The following DNM3 variants were observed in gnomAD, a reference collection of about 807,000 sequenced individuals.
DNM3 encodes the protein dynamin-3.
Under a neutral mutation model 101.6 loss-of-function variants are expected in DNM3, and 47 were observed. The ratio of observed to expected loss-of-function variants is 0.46; its 90% CI spans 0.37 to 0.59. The LOEUF is 0.59. Among genes scored for constraint, DNM3 ranks in the 20% least tolerant of loss-of-function variants. The pLI is 0.00. For synonymous variants in DNM3, 385 were observed against 387.9 expected, an observed-to-expected ratio of 0.99 and a Z score of 0.09; for missense variants, 849 against 1,085.7, an observed-to-expected ratio of 0.78 and a Z score of 3.06.
At chr1:171,943,367 A>G (rs2041946717) in intron 2 of DNM3, among the ~76,000 whole-genome samples, 1 of 152,174 alleles carries the variant, frequency 6.6e-6, no homozygotes, top group South Asian at 2.1e-4. Flanking sequence ...GGGGTAGGGT[A>G]GTCATGCCTC....
chr1:172,155,353 T>G (rs777582633), intron 14 of DNM3, among the ~76,000 whole-genome samples: 9 of 152,092 alleles, frequency 5.9e-5, no homozygotes, highest in Non-Finnish European at 1.3e-4. Context: ...ATTAAATTGT[T>G]CATTTACTTA....
chr1:172,138,132 G>A (rs1184393215), intron 14 of DNM3: 2 of 152,004 alleles, frequency 1.3e-5, no homozygotes, highest in Non-Finnish European at 2.9e-5. Flanking sequence ...ACGCGTGGAA[G>A]TATCAAAAAT....
chr1:172,192,434 G>A (rs1216759228), intron 14 of DNM3, among the ~76,000 whole-genome samples: 5 of 149,710 alleles, frequency 3.3e-5, no homozygotes, highest in African/African-American at 1.2e-4. Flanking sequence ...GTGCAGGTTA[G>A]TTACATATGT....
chr1:171,868,339 C>T (rs1221400309), intron 1 of DNM3, among the ~76,000 whole-genome samples: 1 of 152,054 alleles, frequency 6.6e-6, no homozygotes, highest in African/African-American at 2.4e-5. Flanking sequence ...CAGCTCCTGG[C>T]ATGCCAGGCA....
chr1:172,257,765 A>G (rs557721803), intron 15 of DNM3, among the ~76,000 whole-genome samples: 43 of 152,000 alleles, frequency 2.8e-4, no homozygotes, highest in Non-Finnish European at 4.7e-4. Context: ...TATTGTTGCT[A>G]ACTATAGTCA....
intron 15 of DNM3, among the ~76,000 whole-genome samples, chr1:172,295,458 C>T (rs185097983): frequency 6.6e-6 from 1 of 151,956 alleles, no homozygotes; most frequent in Non-Finnish European, 1.5e-5. Context: ...TAGCAAATGT[C>T]ATGAAGAAAG....
intron 1 of DNM3, among the ~76,000 whole-genome samples, chr1:171,891,632 C>G (rs2037291682): frequency 1.3e-5 from 2 of 152,074 alleles, no homozygotes; most frequent in South Asian, 2.1e-4. Flanking sequence ...TTCTTATGAC[C>G]TTGACAGTTT....
In DNM3 at chr1:172,384,039, C is replaced by CT. The variant is rs1410233893; in HGVS notation, c.2059-3092dup. Among the ~76,000 whole-genome samples the CT allele has an allele frequency of 2.0e-5, 3 of 152,208 alleles. No individual in the cohort carries two copies. The South Asian group carries it at 6.2e-4, about 32-fold the overall frequency. On this transcript the variant is annotated intron_variant, in intron 18 of 20. Coordinates refer to ENST00000627582, the MANE Select transcript of DNM3 (RefSeq NM_015569.5). ...TGACCCCTGATTGTCATGCAGAATT[C>CT]TTGATTTAAATATTTGTACCAGATT... is the stretch of plus-strand genomic sequence containing the variant.
intron 13 of DNM3, among the ~76,000 whole-genome samples, chr1:172,100,201 C>A (rs902227714): frequency 3.9e-5 from 6 of 152,316 alleles, no homozygotes; most frequent in African/African-American, 1.4e-4. Flanking sequence ...TTTGGCTTCT[C>A]AAACCTACAG....
At chr1:171,869,313 T>A (rs1232823651) in intron 1 of DNM3, among the ~76,000 whole-genome samples, 1 of 152,180 alleles carries the variant, frequency 6.6e-6, no homozygotes, top group Admixed American at 6.5e-5. Context: ...GCCCTCCCCA[T>A]GCCTGAGGAG....
chr1:171,929,016 G>T (rs781694387), intron 2 of DNM3, among the ~76,000 whole-genome samples: 9 of 152,090 alleles, frequency 5.9e-5, no homozygotes, highest in Non-Finnish European at 8.8e-5. Context: ...AACACTGTAG[G>T]AGGTGGCTGG....
At chr1:172,018,737 T>C (rs1381808932) in intron 4 of DNM3, among the ~76,000 whole-genome samples, 1 of 152,242 alleles carries the variant, frequency 6.6e-6, no homozygotes, top group East Asian at 1.9e-4. Context: ...GCTATTATTT[T>C]GAACAAACTG....
intron 15 of DNM3, among the ~76,000 whole-genome samples, chr1:172,255,972 G>T (rs1237721800): frequency 6.6e-6 from 1 of 152,122 alleles, no homozygotes; most frequent in Non-Finnish European, 1.5e-5. Context: ...CCACCTGGAA[G>T]ATTGTATGAT....
chr1:171,950,732 G>A (rs1212730672), intron 2 of DNM3, among the ~76,000 whole-genome samples: 1 of 152,020 alleles, frequency 6.6e-6, no homozygotes. Flanking sequence ...AACTTTTTGG[G>A]GTGATGAAAA....
intron 1 of DNM3, among the ~76,000 whole-genome samples, chr1:171,874,275 A>G (rs773315543): frequency 6.6e-6 from 1 of 151,450 alleles, no homozygotes; most frequent in Non-Finnish European, 1.5e-5. Flanking sequence ...GTGTAGATAT[A>G]CACATATGCA....
chr1:172,392,981 C>T (rs1172375572), intron 20 of DNM3, among the ~76,000 whole-genome samples: 1 of 152,184 alleles, frequency 6.6e-6, no homozygotes, highest in African/African-American at 2.4e-5. Context: ...GCTGATGTCC[C>T]ACCCTGCAAG....
intron 14 of DNM3, among the ~76,000 whole-genome samples, chr1:172,234,564 C>A (rs901716959): frequency 6.6e-6 from 1 of 152,086 alleles, no homozygotes; most frequent in Admixed American, 6.6e-5. Context: ...AAAAAAGAGC[C>A]CACATTGCCA....
At chr1:172,251,743 A>G (rs1340819635) in intron 14 of DNM3, among the ~76,000 whole-genome samples, 1 of 152,156 alleles carries the variant, frequency 6.6e-6, no homozygotes, top group Non-Finnish European at 1.5e-5. Context: ...TTTCCCATTA[A>G]AAGGCAAATC....
chr1:171,913,669 T>C (rs943085968), intron 1 of DNM3, among the ~76,000 whole-genome samples: 4 of 152,146 alleles, frequency 2.6e-5, no homozygotes, highest in African/African-American at 9.7e-5. Flanking sequence ...ATTTGTGTGA[T>C]TTGTCTGTCT....
Sources: allele counts gnomAD v4.1 joint callset (sites outside exome capture counted in the v4.1 genomes callset), GRCh38; gene constraint gnomAD v4.1.1; transcripts MANE v1.5; gene names NCBI Gene and HGNC (gene_info 2026-07-23, HGNC 2026-07-21).